The following BAZ2A variants were observed in gnomAD, a reference collection of about 807,000 sequenced individuals.
The protein encoded by BAZ2A is bromodomain adjacent to zinc finger domain 2A, also known as bromodomain adjacent to zinc finger domain protein 2A.
BAZ2A carries 34 observed loss-of-function variants against 199.9 expected under a neutral mutation model. That is an observed-to-expected ratio of 0.17 (90% confidence interval 0.13 to 0.23). BAZ2A has a LOEUF of 0.23. BAZ2A is among the 10% of genes least tolerant of loss of function. BAZ2A has a pLI of 1.00. For synonymous variants in BAZ2A, 857 were observed against 883.9 expected (o/e 0.97, Z 0.54); for missense variants, 2,002 against 2,391.1 (o/e 0.84, Z 3.39).
chr12:56,618,218 A>C (rs1950785836), intron 1 of BAZ2A, among the ~76,000 whole-genome samples: 1 of 152,222 alleles, frequency 6.6e-6, no homozygotes, highest in Non-Finnish European at 1.5e-5. Context: ...AATTGATTAA[A>C]TATGAGGGTA....
Position 56,614,995 on chromosome 12 carries a change from T to C in BAZ2A, c.730+19A>G. On this transcript the variant is annotated intron_variant, in intron 3 of 28. Coordinates refer to ENST00000549884, the MANE Select transcript of BAZ2A (RefSeq NM_001300905.2). The stretch of plus-strand genomic sequence containing the variant: ...CTCCATTTTTCCTTTCCCCACCCAG[T>C]TCACCAACCCAGTTATACCTGGCTG... 5 of 1,600,108 alleles carry C rather than the reference T, an allele frequency of 3.1e-6. No homozygotes were observed. The highest frequency in any genetic ancestry group is 4.3e-6 in the Non-Finnish European group (5 of 1,173,160).
intron 26 of BAZ2A, 39 bp downstream of exon 26, chr12:56,599,663 T>A (rs762435187): frequency 6.2e-7 from 1 of 1,611,648 alleles, no homozygotes. Flanking sequence ...AATCTCTGAT[T>A]TCTGTTTGAG....
Position 56,597,325 on chromosome 12 carries a change from C to T in BAZ2A, c.*1293G>A, listed in dbSNP as rs1019304066. On this transcript the variant is annotated 3_prime_UTR_variant, in exon 29 of 29. Coordinates refer to ENST00000549884, the MANE Select transcript of BAZ2A (RefSeq NM_001300905.2). ...CAGTTCTACCACTCTCCCGTAGAAGCTTAAGATTCAAAGCTACCGAGAAGA... is the reference window on the plus strand; with the variant it reads ...CAGTTCTACCACTCTCCCGTAGAAGTTTAAGATTCAAAGCTACCGAGAAGA... 2.0e-5 allele frequency: 3 copies of T among 152,314 alleles called. No homozygotes were observed. The highest frequency in any genetic ancestry group is 7.3e-5 in the African/African-American group (3 of 41,294). 9.4% of individuals were successfully genotyped at this position (152,314 alleles called of 1,614,324 possible). A position where few individuals can be genotyped will look rare whatever the true frequency, so the allele number is the denominator to read the frequency against.
upstream of BAZ2A, among the ~76,000 whole-genome samples, chr12:56,631,195 G>A (rs1188337735): frequency 6.6e-6 from 1 of 152,118 alleles, no homozygotes; most frequent in African/African-American, 2.4e-5. Context: ...GCTCACGGCT[G>A]TAATCCCAGC....
In BAZ2A at chr12:56,597,466, A is replaced by G. The variant is rs1885918452; in HGVS notation, c.*1152T>C. On this transcript the variant is annotated 3_prime_UTR_variant, in exon 29 of 29. Transcript: ENST00000549884. ...GTTCCTGTGGTTTCCCAAAGACAAA[A>G]AAGTGATGGTTTTAAACAATGGGAA... The G allele has an allele frequency of 6.6e-6, 1 of 152,338 alleles. No homozygotes were observed. The highest frequency in any genetic ancestry group is 1.5e-5 in the Non-Finnish European group (1 of 68,036). 9.4% of individuals were successfully genotyped at this position (152,338 alleles called of 1,614,324 possible).
At chr12:56,606,468 G>T in intron 11 of BAZ2A, 156 bp from the exon 12 acceptor site, 1 of 1,184,652 alleles carries the variant, frequency 8.4e-7, no homozygotes, top group Non-Finnish European at 1.2e-6. Flanking sequence ...AGATGCCCAC[G>T]TTATTTTTGA....
rs1237068505 is a variant in BAZ2A at position 56,601,929 on chromosome 12, G to T, written c.3688C>A (p.Gln1230Lys). ...QPEAQLHAPA[Q>K]PQPQLQLQLQ... ...TGAAGCTGAAGCTGAGGCTGGGGCT[G>T]GGCAGGAGCATGAAGCTGAGCCTCA... The change falls in exon 20 of 29, where the codon CAG (glutamine) becomes AAG (lysine). Residue 1230 changes from glutamine to lysine, a missense_variant. Physicochemically the swap from Gln to Lys is moderately conservative, Grantham distance 53. Around this residue, in one of 6 missense-constraint regions of BAZ2A, gnomAD observed 1,081 missense variants for 1,274.7 expected, o/e 0.85. Coordinates refer to ENST00000549884, the MANE Select transcript of BAZ2A (RefSeq NM_001300905.2). 6.3e-7 allele frequency: 1 copy of T among 1,587,158 alleles called. No homozygotes were observed. The highest frequency in any genetic ancestry group is 1.1e-5 in the South Asian group (1 of 88,706).
Position 56,610,314 on chromosome 12 carries a change from A to G in BAZ2A, c.1779+95T>C, listed in dbSNP as rs1396386737. 5.1e-6 allele frequency: 8 copies of G among 1,570,016 alleles called. No homozygotes were observed. The African/African-American group carries it at 8.1e-5, about 16-fold the overall frequency. On this transcript the variant is annotated intron_variant, in intron 8 of 28. Transcript: ENST00000549884. ...GAACAGGCCCAGAGCAGACAATGCCAGCCTGTTGTCACTGAGCCCAAGAAC... is the reference window on the plus strand; with the variant it reads ...GAACAGGCCCAGAGCAGACAATGCCGGCCTGTTGTCACTGAGCCCAAGAAC...
chr12:56,602,285 C>A, intron 19 of BAZ2A, 93 bp from the exon 20 acceptor site: 1 of 1,156,064 alleles, frequency 8.7e-7, no homozygotes, highest in South Asian at 1.6e-5. Context: ...TTCTTTTTCT[C>A]TTGGACTTAG....
Position 56,603,855 on chromosome 12 carries a change from A to C in BAZ2A, c.3039-155T>G, listed in dbSNP as rs538289381. ...TGGTGAAACCCTGTCTCTACTAAAA[A>C]TACAAAAATCAGCCAGGTGTGGTGG... On this transcript the variant is annotated intron_variant, in intron 16 of 28. Transcript: ENST00000549884. Among the ~76,000 whole-genome samples the C allele has an allele frequency of 1.5e-3, 232 of 152,326 alleles. 1 individual carries two copies. Among genetic ancestry groups the C allele is most frequent in the African/African-American group, 5.4e-3 (224 of 41,560 alleles).
chr12:56,613,864 C>G, intron 4 of BAZ2A, 89 bp downstream of exon 4: 1 of 1,403,686 alleles, frequency 7.1e-7, no homozygotes, highest in Non-Finnish European at 9.7e-7. Flanking sequence ...CCCTGATTGC[C>G]TAATACTTTT....
intron 2 of BAZ2A, among the ~76,000 whole-genome samples, chr12:56,616,592 ACAAT>A (rs1234823433): frequency 6.6e-6 from 1 of 152,184 alleles, no homozygotes; most frequent in Non-Finnish European, 1.5e-5. Context: ...GGGATGGAGG[ACAAT>A]CAATCAAAAA....
upstream of BAZ2A, chr12:56,630,355 C>G: frequency 1.1e-6 from 1 of 879,622 alleles, no homozygotes; most frequent in Non-Finnish European, 1.4e-6. Context: ...GCGGAGAAGC[C>G]TCGGCCGGGA....
At chr12:56,614,988 C>T in intron 3 of BAZ2A, 26 bp downstream of exon 3, 1 of 1,592,728 alleles carries the variant, frequency 6.3e-7, no homozygotes, top group Non-Finnish European at 8.6e-7. Flanking sequence ...TTCCTTTCCC[C>T]ACCCAGTTCA....
chr12:56,618,503 C>T (rs527393154), intron 1 of BAZ2A, among the ~76,000 whole-genome samples: 1 of 152,044 alleles, frequency 6.6e-6, no homozygotes, highest in Non-Finnish European at 1.5e-5. Context: ...TAAACTCTAA[C>T]ATATCAATCG....
chr12:56,595,652 A>G lies in BAZ2A; in HGVS notation c.*2966T>C, dbSNP rs1272843657. 2 of 151,906 alleles carry G rather than the reference A, an allele frequency of 1.3e-5. No individual in the cohort carries two copies. Among genetic ancestry groups the G allele is most frequent in the Admixed American group, 6.6e-5 (1 of 15,214 alleles). The allele number at this position is 151,906 out of a possible 1,614,324, so 9.4% of individuals were successfully genotyped here. On this transcript the variant is annotated 3_prime_UTR_variant, in exon 29 of 29. Coordinates refer to ENST00000549884, the MANE Select transcript of BAZ2A (RefSeq NM_001300905.2). Reference sequence around the variant, plus strand: ...GAAGTGGTAAGCTGGTGATGGTCCCATATTTGCTATGACAGGAACACAGAG... The same window carrying G: ...GAAGTGGTAAGCTGGTGATGGTCCCGTATTTGCTATGACAGGAACACAGAG...
upstream of BAZ2A, among the ~76,000 whole-genome samples, chr12:56,631,186 C>T (rs1951300560): frequency 6.6e-6 from 1 of 152,116 alleles, no homozygotes; most frequent in Non-Finnish European, 1.5e-5. Context: ...GACGCGGTGG[C>T]TCACGGCTGT....
At chr12:56,623,299 C>T (rs1950981074) in intron 1 of BAZ2A, among the ~76,000 whole-genome samples, 1 of 151,980 alleles carries the variant, frequency 6.6e-6, no homozygotes, top group African/African-American at 2.4e-5. Flanking sequence ...TATATTGCAA[C>T]ACTGTTACAG....
chr12:56,625,899 A>G (rs1565836570), intron 1 of BAZ2A, among the ~76,000 whole-genome samples: 1 of 148,368 alleles, frequency 6.7e-6, no homozygotes, highest in South Asian at 2.1e-4. Context: ...AAAAAAAAAC[A>G]ACAACAAAAA....
Sources: allele counts gnomAD v4.1 joint callset (sites outside exome capture counted in the v4.1 genomes callset), GRCh38; gene constraint gnomAD v4.1.1; regional missense constraint gnomAD v4.1.1; transcripts MANE v1.5; gene names NCBI Gene and HGNC (gene_info 2026-07-23, HGNC 2026-07-21).